INVS: variants seen among roughly 807,000 people sequenced by gnomAD.
INVS encodes the protein inversion of embryo turning homolog.
A neutral mutation model predicts 108.8 loss-of-function variants in INVS; 86 were observed. The ratio of observed to expected loss-of-function variants is 0.79; its 90% CI spans 0.66 to 0.95. The LOEUF (loss-of-function observed/expected upper bound fraction) is 0.95, where lower values mean the gene tolerates loss of function less well. INVS is among the 40% of genes least tolerant of loss of function. The pLI is 0.00. For synonymous variants in INVS, 455 were observed against 473.5 expected (o/e 0.96, Z 0.51); for missense variants, 1,169 against 1,297.4 (o/e 0.90, Z 1.52).
chr9:100,117,998 C>G (rs1002340013), intron 2 of INVS, among the ~76,000 whole-genome samples: 1 of 152,086 alleles, frequency 6.6e-6, no homozygotes, highest in African/African-American at 2.4e-5. Context: ...GCATCCTGAT[C>G]TCAGACTTCT....
chr9:100,103,133 G>A (rs1429567832), intron 1 of INVS, among the ~76,000 whole-genome samples: 2 of 151,938 alleles, frequency 1.3e-5, no homozygotes, highest in African/African-American at 2.4e-5. Context: ...GATTACAGGC[G>A]TGAGCCATCA....
At chr9:100,227,286 A>G (rs1377525187) in intron 4 of INVS, among the ~76,000 whole-genome samples, 1 of 152,210 alleles carries the variant, frequency 6.6e-6, no homozygotes, top group African/African-American at 2.4e-5. Flanking sequence ...GTGAGTGTTC[A>G]TATTAAATGC....
At chr9:100,172,835 T>G (rs1257104581) in intron 3 of INVS, among the ~76,000 whole-genome samples, 1 of 152,216 alleles carries the variant, frequency 6.6e-6, no homozygotes, top group African/African-American at 2.4e-5. Context: ...TGAGTGGCTA[T>G]TCGACCCAGT....
rs1564197719 is a variant in INVS at position 100,301,172 on chromosome 9, CA to C, written c.*499del. On this transcript the variant is annotated 3_prime_UTR_variant, in exon 17 of 17. Coordinates refer to ENST00000262457, the MANE Select transcript of INVS (RefSeq NM_014425.5). ...ACACACACACACACACACACACACA[CA>C]CACACATATCACGTCCCACTATTAC... Among the ~76,000 whole-genome samples, 10 of 144,796 alleles carry C rather than the reference CA, an allele frequency of 6.9e-5. No homozygotes were observed. The South Asian group carries it at 1.2e-3, about 17-fold the overall frequency. 95.0% of individuals were successfully genotyped at this position (144,796 alleles called of 152,430 possible).
chr9:100,266,475 C>A (rs1832796726), intron 11 of INVS, among the ~76,000 whole-genome samples: 1 of 152,124 alleles, frequency 6.6e-6, no homozygotes, highest in African/African-American at 2.4e-5. Flanking sequence ...AACTTCCCAA[C>A]TTTGCTATGG....
chr9:100,208,803 A>G (rs1830747705), intron 3 of INVS, among the ~76,000 whole-genome samples: 1 of 152,242 alleles, frequency 6.6e-6, no homozygotes, highest in African/African-American at 2.4e-5. Context: ...TACACAGATT[A>G]TCATGGACAT....
intron 10 of INVS, among the ~76,000 whole-genome samples, chr9:100,253,680 T>G (rs148840437): frequency 0.013 from 1,909 of 152,296 alleles, 34 homozygotes; most frequent in African/African-American, 0.044. Context: ...TTTTCTGTCC[T>G]TGCGATAGTT....
chr9:100,139,717 A>G (rs1053021437), intron 3 of INVS, among the ~76,000 whole-genome samples: 1 of 152,208 alleles, frequency 6.6e-6, no homozygotes. Flanking sequence ...ATCAGGGCTC[A>G]CTGCAGCTTC....
rs1828278739 is a variant in INVS at position 100,137,903 on chromosome 9, A to C, written c.273+11354A>C. On this transcript the variant is annotated intron_variant, in intron 3 of 16. Transcript: ENST00000262457. ...CTCATATTTTTTCAATGAACCAACA[A>C]ATACTAAATTTAAACATTAAGGTTC... Among the ~76,000 whole-genome samples, 4 of 152,234 alleles carry C rather than the reference A, an allele frequency of 2.6e-5. No individual in the cohort carries two copies. In the South Asian group the frequency reaches 8.3e-4, roughly 31 times the overall value.
chr9:100,163,089 T>C (rs1339335438), intron 3 of INVS, among the ~76,000 whole-genome samples: 4 of 152,086 alleles, frequency 2.6e-5, no homozygotes, highest in Admixed American at 1.3e-4. Flanking sequence ...TCTAGTGGCA[T>C]TGCCCTTTAG....
rs554738095 is a variant in INVS, at chr9:100,101,257, G to A, written c.-25+1841G>A. On this transcript the variant is annotated intron_variant, in intron 1 of 16. Transcript: ENST00000262457. ...TTGTCACTCAGCTTGTTGAATGAAC[G>A]AATGTGAACATGGTCTAACCTTATT... 9 of 150,954 alleles carry A rather than the reference G, an allele frequency of 6.0e-5. 1 individual carries two copies. The South Asian group carries it at 1.9e-3, about 31-fold the overall frequency. 9.4% of individuals were successfully genotyped at this position (150,954 alleles called of 1,614,324 possible).
At position 100,273,077 on chromosome 9, in the gene INVS, G is replaced by T; in HGVS notation, c.1784+1G>T. Reference sequence around the variant, plus strand: ...AGTTGAGAAAAGATGCTGCTGCCAAGTAAGTATGAGCTACGCAGATTGCGT... The same window carrying T: ...AGTTGAGAAAAGATGCTGCTGCCAATTAAGTATGAGCTACGCAGATTGCGT... On this transcript the variant is annotated splice_donor_variant, in intron 12 of 16. Transcript: ENST00000262457. LOFTEE classifies it high-confidence loss of function. 6.2e-7 allele frequency: 1 copy of T among 1,613,142 alleles called. No individual in the cohort carries two copies. Among genetic ancestry groups the T allele is most frequent in the South Asian group, 1.1e-5 (1 of 91,054 alleles).
intron 3 of INVS, among the ~76,000 whole-genome samples, chr9:100,186,677 A>C (rs1171674048): frequency 6.6e-6 from 1 of 151,482 alleles, no homozygotes. Flanking sequence ...TGAGATGTCT[A>C]TTCATGTCAT....
chr9:100,119,524 C>G (rs1484873105), intron 2 of INVS, among the ~76,000 whole-genome samples: 1 of 152,226 alleles, frequency 6.6e-6, no homozygotes, highest in Non-Finnish European at 1.5e-5. Context: ...AAGGTCTCAT[C>G]TGAGATTTAG....
At chr9:100,106,617 C>T (rs1316490041) in intron 2 of INVS, among the ~76,000 whole-genome samples, 1 of 152,194 alleles carries the variant, frequency 6.6e-6, no homozygotes, top group East Asian at 1.9e-4. Context: ...AGCAGTTGAA[C>T]CCAGCTGTGT....
intron 3 of INVS, among the ~76,000 whole-genome samples, chr9:100,142,181 T>A (rs1221451507): frequency 6.6e-6 from 1 of 152,132 alleles, no homozygotes; most frequent in Non-Finnish European, 1.5e-5. Flanking sequence ...TAAAGAGGGA[T>A]TAATGATAGA....
chr9:100,165,322 C>T (rs1336182663), intron 3 of INVS, among the ~76,000 whole-genome samples: 2 of 152,094 alleles, frequency 1.3e-5, no homozygotes, highest in African/African-American at 4.8e-5. Context: ...TAATGTTTCA[C>T]TGTGTCTGTT....
At position 100,228,042 on chromosome 9, in the gene INVS, G is replaced by A. The variant is rs201379207; in HGVS notation, c.448-1618G>A. Among the ~76,000 whole-genome samples the A allele has an allele frequency of 2.8e-4, 41 of 147,022 alleles. No individual in the cohort carries two copies. The East Asian group carries it at 3.0e-3, about 11-fold the overall frequency. On this transcript the variant is annotated intron_variant, in intron 4 of 16. Coordinates refer to ENST00000262457, the MANE Select transcript of INVS (RefSeq NM_014425.5). ...GTCTCACTCTATCACCCAGGCTGGC[G>A]TGCAGTGGTGTGATCTTGGCTCACT...
chr9:100,240,283 T>C (rs1831825302), intron 6 of INVS, 43 bp downstream of exon 6: 2 of 1,464,366 alleles, frequency 1.4e-6, no homozygotes, highest in Non-Finnish European at 1.9e-6. Context: ...ACTTCATGAG[T>C]ATAGGAATAT....
Sources: gnomAD v4.1 joint callset for allele counts (sites outside exome capture counted in the v4.1 genomes callset) on GRCh38, gnomAD v4.1.1 for gene constraint, MANE v1.5 for transcripts, NCBI Gene and HGNC (gene_info 2026-07-23, HGNC 2026-07-21) for gene names.